The following HEPHL1 variants were observed in gnomAD, a reference collection of about 807,000 sequenced individuals.
HEPHL1 encodes the protein hephaestin like 1.
In HEPHL1, 123 loss-of-function variants were observed where a neutral mutation model predicts 122.0. That is an observed-to-expected ratio of 1.01 (90% CI 0.87 to 1.17). The LOEUF (loss-of-function observed/expected upper bound fraction) is 1.17. Ranked by LOEUF, HEPHL1 falls within the 50% of genes most tolerant of loss-of-function variation. HEPHL1 has a pLI of 0.00. For missense variants in HEPHL1, 1,452 were observed against 1,430.5 expected (o/e 1.01, Z -0.24); for synonymous variants, 527 against 508.9 (o/e 1.04, Z -0.48).
In HEPHL1 at chr11:94,093,579, G is replaced by T; in HGVS notation, c.2373G>T (p.Thr791=). Residue 791 remains threonine, a synonymous_variant, in exon 13 of 20, where the codon ACG becomes ACT. Coordinates refer to ENST00000315765, the MANE Select transcript of HEPHL1 (RefSeq NM_001098672.2). ...QYKKVVYREY[T]DGEFVEIKAR... The stretch of plus-strand genomic sequence containing the variant: ...AGAAGGTGGTTTACAGGGAATATAC[G>T]GATGGAGAATTTGTGGAGATCAAAG... 1 of 1,613,716 alleles carries T rather than the reference G, an allele frequency of 6.2e-7. No individual in the cohort carries two copies. The highest frequency in any genetic ancestry group is 1.1e-5 in the South Asian group (1 of 91,050).
At chr11:94,107,973 C>T (rs984099468) in intron 17 of HEPHL1, among the ~76,000 whole-genome samples, 1 of 152,124 alleles carries the variant, frequency 6.6e-6, no homozygotes, top group African/African-American at 2.4e-5. Flanking sequence ...AAACTGTTTT[C>T]CAAAAAGGCA....
intron 12 of HEPHL1, among the ~76,000 whole-genome samples, chr11:94,089,189 A>G (rs1198982385): frequency 6.6e-6 from 1 of 152,170 alleles, no homozygotes; most frequent in Non-Finnish European, 1.5e-5. Context: ...CTGGGTGGTC[A>G]TGGGATGCAG....
intron 2 of HEPHL1, chr11:94,055,216 AC>A: frequency 3.8e-6 from 1 of 266,338 alleles, no homozygotes. Flanking sequence ...GATGATGGCC[AC>A]CTTTTTCTGC....
chr11:94,112,117 G>C lies in HEPHL1; in HGVS notation c.*223G>C, dbSNP rs1946455217. ...TCAGGTATAAAACACAGAAAAAGGA[G>C]AATGGGCATGGCTGAGAATGTCAAC... On this transcript the variant is annotated 3_prime_UTR_variant, in exon 20 of 20. Transcript: ENST00000315765. The C allele has an allele frequency of 2.7e-6, 1 of 375,022 alleles. No homozygotes were observed. Among genetic ancestry groups the C allele is most frequent in the Non-Finnish European group, 4.7e-6 (1 of 211,636 alleles). The allele number at this position is 375,022 out of a possible 1,614,324, so 23.2% of individuals were successfully genotyped here. A position where few individuals can be genotyped will look rare whatever the true frequency, so the allele number is the denominator to read the frequency against.
At chr11:94,034,753 T>C (rs2511401) in intron 1 of HEPHL1, among the ~76,000 whole-genome samples, 54,134 of 151,478 alleles carry the variant, frequency 0.36, 10,472 homozygotes, top group Admixed American at 0.45. Context: ...CCACTGGGAG[T>C]AGGAGGGCCA....
At chr11:94,046,735 C>T (rs1201155775) in intron 2 of HEPHL1, among the ~76,000 whole-genome samples, 1 of 151,812 alleles carries the variant, frequency 6.6e-6, no homozygotes, top group Non-Finnish European at 1.5e-5. Context: ...CTGGATTCCT[C>T]CCTAATTGAA....
chr11:94,089,265 A>G (rs567865127), intron 12 of HEPHL1, among the ~76,000 whole-genome samples: 2 of 152,240 alleles, frequency 1.3e-5, no homozygotes, highest in East Asian at 3.9e-4. Flanking sequence ...ACATGGTTAT[A>G]GTGGGGCTGG....
chr11:94,063,172 A>T lies in HEPHL1; in HGVS notation c.416-336A>T, dbSNP rs16919878. ...TCCTTCCCTTCTTGAGTCGATGTCA[A>T]CTGAGGGGAATTGAAATCTTCCTGG... On this transcript the variant is annotated intron_variant, in intron 2 of 19. Transcript: ENST00000315765. Among the ~76,000 whole-genome samples the T allele has an allele frequency of 8.8e-3, 1,337 of 152,320 alleles. 18 individuals carry two copies. The highest frequency in any genetic ancestry group is 0.031 in the African/African-American group (1,279 of 41,574).
intron 2 of HEPHL1, among the ~76,000 whole-genome samples, chr11:94,052,632 G>A (rs1016108080): frequency 6.6e-6 from 1 of 151,800 alleles, no homozygotes; most frequent in Non-Finnish European, 1.5e-5. Flanking sequence ...GTTTTAGCTG[G>A]GACTGGAGGA....
chr11:94,073,251 T>C, intron 7 of HEPHL1, 57 bp from the exon 8 acceptor site: 2 of 1,606,222 alleles, frequency 1.2e-6, no homozygotes, highest in Non-Finnish European at 1.7e-6. Context: ...TCTTCTGCTT[T>C]ACTTCTTTCT....
chr11:94,058,815 C>T (rs1416402168), intron 2 of HEPHL1, among the ~76,000 whole-genome samples: 2 of 152,106 alleles, frequency 1.3e-5, no homozygotes, highest in Non-Finnish European at 2.9e-5. Context: ...ATCCTCACAT[C>T]TTGGCATCTC....
At chr11:94,093,661 G>T (rs767448183) in intron 13 of HEPHL1, 21 bp downstream of exon 13, 4 of 1,606,304 alleles carry the variant, frequency 2.5e-6, no homozygotes, top group Non-Finnish European at 3.4e-6. Flanking sequence ...GATTTCAGGC[G>T]TGCACTGTCA....
At chr11:94,066,224 A>G (rs1946033407) in intron 4 of HEPHL1, among the ~76,000 whole-genome samples, 1 of 152,090 alleles carries the variant, frequency 6.6e-6, no homozygotes. Context: ...CCTAGCCTGT[A>G]TGCTGAAGTA....
At chr11:94,060,926 G>T (rs551632478) in intron 2 of HEPHL1, among the ~76,000 whole-genome samples, 2 of 152,268 alleles carry the variant, frequency 1.3e-5, no homozygotes, top group African/African-American at 4.8e-5. Context: ...CAACTAGGAG[G>T]TTACTACAAA....
chr11:94,028,134 CAT>C, intron 1 of HEPHL1, among the ~76,000 whole-genome samples: 1 of 152,328 alleles, frequency 6.6e-6, no homozygotes, highest in East Asian at 1.9e-4. Context: ...TCTACACAGA[CAT>C]GTGGGCTCTG....
chr11:94,091,436 G>A (rs191171482), intron 12 of HEPHL1, among the ~76,000 whole-genome samples: 1 of 152,316 alleles, frequency 6.6e-6, no homozygotes, highest in East Asian at 1.9e-4. Flanking sequence ...ACATGTAACT[G>A]GGTCTCCTGA....
chr11:94,109,217 G>A (rs898470416), intron 17 of HEPHL1, among the ~76,000 whole-genome samples: 1 of 152,228 alleles, frequency 6.6e-6, no homozygotes, highest in East Asian at 1.9e-4. Flanking sequence ...CTTGCATCCT[G>A]CATCTTTGCT....
rs1322144330 is a variant in HEPHL1 at position 94,056,001 on chromosome 11, C to T, written c.416-7507C>T. 7.1e-6 allele frequency: 6 copies of T among 847,092 alleles called. 1 individual carries two copies. The highest frequency in any genetic ancestry group is 1.1e-5 in the Non-Finnish European group (6 of 562,230). 52.5% of individuals were successfully genotyped at this position (847,092 alleles called of 1,614,324 possible). On this transcript the variant is annotated intron_variant, in intron 2 of 19. Transcript: ENST00000315765. ...TCCTTCTGCTGGACCCTTTCGCAGC[C>T]AGCTTCCATTCTCTGTTCTTTAAAT...
chr11:94,036,838 CAAA>C (rs71305380), intron 1 of HEPHL1, among the ~76,000 whole-genome samples: 3 of 103,832 alleles, frequency 2.9e-5, no homozygotes, highest in Non-Finnish European at 3.9e-5. Flanking sequence ...GACTCCGTCT[CAAA>C]AAAAAAAAAA....
Sources: gnomAD v4.1 joint callset for allele counts (sites outside exome capture counted in the v4.1 genomes callset) on GRCh38, gnomAD v4.1.1 for gene constraint, MANE v1.5 for transcripts, NCBI Gene and HGNC (gene_info 2026-07-23, HGNC 2026-07-21) for gene names.